The following NARS2 variants were observed in gnomAD, a reference collection of about 807,000 sequenced individuals.
NARS2 encodes asparaginyl-tRNA synthetase 2, mitochondrial, also known as asparaginyl-tRNA synthetase.
A neutral mutation model predicts 62.9 loss-of-function variants in NARS2; 60 were observed. The observed-to-expected ratio is 0.95, with a 90% CI of 0.77 to 1.18. The LOEUF (loss-of-function observed/expected upper bound fraction) is 1.18. Among genes scored for constraint, NARS2 ranks in the 50% most tolerant of loss-of-function variants. The pLI, the probability that NARS2 is intolerant of heterozygous loss-of-function variation, is 0.00. For synonymous variants in NARS2, 196 were observed against 200.0 expected (o/e 0.98, Z 0.17); for missense variants, 619 against 576.4 (o/e 1.07, Z -0.76).
chr11:78,557,244 C>T (rs1047454686), intron 5 of NARS2, among the ~76,000 whole-genome samples: 2 of 152,184 alleles, frequency 1.3e-5, no homozygotes, highest in African/African-American at 4.8e-5. Flanking sequence ...CTTAATGACA[C>T]TTCATTTCTG....
At chr11:78,549,750 A>G (rs1195762140) in intron 5 of NARS2, among the ~76,000 whole-genome samples, 1 of 152,162 alleles carries the variant, frequency 6.6e-6, no homozygotes, top group Non-Finnish European at 1.5e-5. Context: ...AGGGGAAAAG[A>G]CAGCCAAAGA....
rs75697653 is a variant in NARS2, at chr11:78,546,017, A to G, written c.594+13522T>C. Among the ~76,000 whole-genome samples the G allele has an allele frequency of 9.5e-4, 144 of 152,330 alleles. 5 individuals carry two copies. The East Asian group carries it at 0.022, about 24-fold the overall frequency. ...TTCTAAAATTTAGCGGCTTAAAATG[A>G]TAATCTACTGCTATCTTTCACAAGT... On this transcript the variant is annotated intron_variant, in intron 5 of 13. Coordinates refer to ENST00000281038, the MANE Select transcript of NARS2 (RefSeq NM_024678.6).
chr11:78,518,796 C>A (rs1565253920), intron 6 of NARS2, among the ~76,000 whole-genome samples: 1 of 152,132 alleles, frequency 6.6e-6, no homozygotes, highest in Non-Finnish European at 1.5e-5. Context: ...GGATTACAGG[C>A]ATGAGCCACT....
intron 6 of NARS2, among the ~76,000 whole-genome samples, chr11:78,521,562 G>A (rs965426491): frequency 2.0e-5 from 3 of 152,020 alleles, no homozygotes; most frequent in Non-Finnish European, 2.9e-5. Context: ...AGGCCGAGGC[G>A]AGCGGATCAC....
intron 13 of NARS2, among the ~76,000 whole-genome samples, chr11:78,437,985 A>AAG (rs1555006466): frequency 3.5e-5 from 5 of 141,576 alleles, no homozygotes; most frequent in East Asian, 2.3e-4. Flanking sequence ...AAAAAAAAAA[A>AAG]AAAGAAAGAA....
chr11:78,558,428 C>T (rs888709152), intron 5 of NARS2: 2 of 152,060 alleles, frequency 1.3e-5, no homozygotes, highest in African/African-American at 2.4e-5. Flanking sequence ...AGCACTGAAC[C>T]GGAGAAAGCA....
At position 78,465,945 on chromosome 11, in the gene NARS2, G is replaced by C. The variant is rs117996746; in HGVS notation, c.1095C>G (p.Phe365Leu). 3 of 1,613,792 alleles carry C rather than the reference G, an allele frequency of 1.9e-6. No individual in the cohort carries two copies. Among genetic ancestry groups the C allele is most frequent in the Non-Finnish European group, 2.5e-6 (3 of 1,179,902 alleles). ...TGAGTGTTAATGGATAATTAATAAC[G>C]AAGACAGGTATGTTGCCACAGTGCT... is the stretch of plus-strand genomic sequence containing the variant. The part of the protein sequence containing the change: ...LVKHCGNIPV[F>L]VINYPLTLKP... The change falls in exon 11 of 14, where the codon TTC becomes TTG. Residue 365 changes from phenylalanine to leucine, a missense_variant. By Grantham distance (22) the Phe-to-Leu change is conservative. Coordinates refer to ENST00000281038, the MANE Select transcript of NARS2 (RefSeq NM_024678.6).
At chr11:78,515,940 A>T (rs1860893680) in intron 6 of NARS2, among the ~76,000 whole-genome samples, 1 of 152,174 alleles carries the variant, frequency 6.6e-6, no homozygotes, top group South Asian at 2.1e-4. Context: ...AACCCACCAG[A>T]TAGACTTCAA....
intron 5 of NARS2, among the ~76,000 whole-genome samples, chr11:78,530,006 T>A (rs555248384): frequency 9.2e-5 from 14 of 152,330 alleles, no homozygotes; most frequent in Admixed American, 2.6e-4. Context: ...TTTCATTGGT[T>A]GTTCTAAAAA....
At chr11:78,500,413 T>C (rs1312376589) in intron 6 of NARS2, among the ~76,000 whole-genome samples, 1 of 152,216 alleles carries the variant, frequency 6.6e-6, no homozygotes, top group African/African-American at 2.4e-5. Flanking sequence ...AACAAATGGA[T>C]CAAAGTTACT....
intron 5 of NARS2, among the ~76,000 whole-genome samples, chr11:78,557,753 T>A (rs866963297): frequency 2.7e-5 from 4 of 150,198 alleles, no homozygotes; most frequent in African/African-American, 7.3e-5. Flanking sequence ...TGATAATTTG[T>A]CTTAGGTTAT....
chr11:78,469,746 G>A (rs751488976), intron 9 of NARS2, among the ~76,000 whole-genome samples: 1 of 148,954 alleles, frequency 6.7e-6, no homozygotes, highest in African/African-American at 2.5e-5. Flanking sequence ...GACAATGTGC[G>A]TGCGCGCATG....
At chr11:78,436,854 AT>A (rs774539587) in intron 13 of NARS2, 40 bp from the exon 14 acceptor site, 1 of 1,563,894 alleles carries the variant, frequency 6.4e-7, no homozygotes, top group South Asian at 1.1e-5. Context: ...TATATATAGT[AT>A]AAGACCAGAT....
intron 11 of NARS2, 61 bp from the exon 12 acceptor site, chr11:78,443,819 T>C (rs1197300725): frequency 2.0e-5 from 25 of 1,258,754 alleles, no homozygotes; most frequent in Non-Finnish European, 2.8e-5. Flanking sequence ...AGTCAGTTTC[T>C]GAAGCAAGTA....
intron 6 of NARS2, among the ~76,000 whole-genome samples, chr11:78,520,750 T>G (rs551046190): frequency 6.6e-6 from 1 of 152,184 alleles, no homozygotes; most frequent in East Asian, 1.9e-4. Flanking sequence ...TTATGTTAAG[T>G]AAGAGTAAAA....
chr11:78,464,349 G>A (rs932955194), intron 11 of NARS2, among the ~76,000 whole-genome samples: 1 of 152,178 alleles, frequency 6.6e-6, no homozygotes, highest in African/African-American at 2.4e-5. Flanking sequence ...CAGTGTGGAA[G>A]GGGACCCGAG....
In NARS2 at chr11:78,469,250, T is replaced by C. The variant is rs2135227085; in HGVS notation, c.1023A>G (p.Pro341=). The C allele has an allele frequency of 6.2e-7, 1 of 1,606,142 alleles. No homozygotes were observed. Among genetic ancestry groups the C allele is most frequent in the Non-Finnish European group, 8.5e-7 (1 of 1,172,824 alleles). The change falls in exon 10 of 14, where the codon CCA becomes CCG. Residue 341 remains proline (P), a synonymous_variant. Transcript: ENST00000281038. ...ATACATACACACAAAATACTACCTC[T>C]GGGGTAAAGGTGAAGTTCTGGGATG... is the stretch of plus-strand genomic sequence containing the variant. ...KQASQNFTFT[P]EWGADLRTEH... is the part of the protein sequence containing the mutation.
intron 4 of NARS2, among the ~76,000 whole-genome samples, chr11:78,560,515 A>C (rs1340255747): frequency 6.6e-6 from 1 of 152,264 alleles, no homozygotes; most frequent in Non-Finnish European, 1.5e-5. Context: ...AATGTAGGAT[A>C]GTACATGCTT....
intron 5 of NARS2, among the ~76,000 whole-genome samples, chr11:78,539,458 T>C (rs1054613776): frequency 1.3e-5 from 2 of 152,044 alleles, no homozygotes; most frequent in African/African-American, 4.8e-5. Flanking sequence ...GGAAAAGGCT[T>C]TGGAGGAAAA....
Sources: gnomAD v4.1 joint callset for allele counts (sites outside exome capture counted in the v4.1 genomes callset) on GRCh38, gnomAD v4.1.1 for gene constraint, MANE v1.5 for transcripts, NCBI Gene and HGNC (gene_info 2026-07-23, HGNC 2026-07-21) for gene names.